The following ZNF385D variants were observed in gnomAD, a reference collection of about 807,000 sequenced individuals.
ZNF385D encodes zinc finger protein 659.
In ZNF385D, 15 loss-of-function variants were observed where a neutral mutation model predicts 35.8. That is an observed-to-expected ratio of 0.42 (90% CI 0.28 to 0.64). The LOEUF (loss-of-function observed/expected upper bound fraction) is 0.64. Ranked by LOEUF, ZNF385D falls within the 30% of genes least tolerant of loss-of-function variation. The pLI, the probability that ZNF385D is intolerant of heterozygous loss-of-function variation, is 0.23. For missense variants in ZNF385D, 474 were observed against 494.6 expected (o/e 0.96, Z 0.39); for synonymous variants, 212 against 186.8 (o/e 1.13, Z -1.10).
chr3:22,291,297 G>A (rs567351233), intron 2 of ZNF385D, among the ~76,000 whole-genome samples: 2 of 152,058 alleles, frequency 1.3e-5, no homozygotes, highest in East Asian at 1.9e-4. Flanking sequence ...TTATTGGAAG[G>A]AAAGATTATA....
chr3:21,924,978 A>G (rs1700652034), intron 3 of ZNF385D, among the ~76,000 whole-genome samples: 1 of 152,142 alleles, frequency 6.6e-6, no homozygotes, highest in African/African-American at 2.4e-5. Context: ...GACTACTAAA[A>G]CTAAAAACTG....
chr3:22,011,410 A>G (rs1357688740), intron 3 of ZNF385D, among the ~76,000 whole-genome samples: 1 of 152,130 alleles, frequency 6.6e-6, no homozygotes, highest in Admixed American at 6.5e-5. Context: ...TGAACCCAAT[A>G]CTGGGTTATT....
At chr3:21,434,574 AT>A (rs1701460533) in intron 5 of ZNF385D, among the ~76,000 whole-genome samples, 1 of 152,186 alleles carries the variant, frequency 6.6e-6, no homozygotes, top group Non-Finnish European at 1.5e-5. Flanking sequence ...AATCCTAGAC[AT>A]GGTGAGCCTT....
In ZNF385D at chr3:21,612,883, A is replaced by C. The variant is rs9838237; in HGVS notation, c.166-48199T>G. 5.6e-3 allele frequency among the ~76,000 whole-genome samples: 858 copies of C among 152,276 alleles called. 11 individuals are homozygous for C. Among genetic ancestry groups the C allele is most frequent in the African/African-American group, 0.02 (813 of 41,566 alleles). On this transcript the variant is annotated intron_variant, in intron 2 of 7. Coordinates refer to ENST00000281523, the MANE Select transcript of ZNF385D (RefSeq NM_024697.3). Reference sequence around the variant, plus strand: ...ATGTCTATTAAAATAAAACACCTTAAATGAAGAAATTTTCACAGTCCTAGG... The same window carrying C: ...ATGTCTATTAAAATAAAACACCTTACATGAAGAAATTTTCACAGTCCTAGG...
At chr3:21,783,694 G>A (rs541253873) in intron 3 of ZNF385D, among the ~76,000 whole-genome samples, 3 of 152,022 alleles carry the variant, frequency 2.0e-5, no homozygotes, top group South Asian at 4.1e-4. Context: ...CTGCATGCAC[G>A]AAGAACACCG....
chr3:21,820,111 C>G (rs566524782), intron 3 of ZNF385D, among the ~76,000 whole-genome samples: 2 of 151,362 alleles, frequency 1.3e-5, no homozygotes, highest in African/African-American at 2.4e-5. Flanking sequence ...ATTTAATAAG[C>G]TTTATCTAAT....
intron 2 of ZNF385D, among the ~76,000 whole-genome samples, chr3:22,267,727 C>T (rs543996706): frequency 5.9e-5 from 9 of 151,772 alleles, no homozygotes; most frequent in Non-Finnish European, 1.2e-4. Context: ...TAGAATGATG[C>T]GTATACAATT....
intron 2 of ZNF385D, among the ~76,000 whole-genome samples, chr3:22,181,927 G>A (rs1695306977): frequency 6.6e-6 from 1 of 152,144 alleles, no homozygotes; most frequent in Non-Finnish European, 1.5e-5. Context: ...GGATCTTAGG[G>A]TAGTCTCTGG....
At chr3:22,352,233 A>C (rs936499762) in intron 2 of ZNF385D, among the ~76,000 whole-genome samples, 20 of 152,320 alleles carry the variant, frequency 1.3e-4, no homozygotes, top group Admixed American at 7.2e-4. Flanking sequence ...AAAAGTTACC[A>C]GTTTCCTGCC....
intron 3 of ZNF385D, among the ~76,000 whole-genome samples, chr3:21,556,274 GT>G (rs2062739918): frequency 6.6e-6 from 1 of 152,000 alleles, no homozygotes; most frequent in South Asian, 2.1e-4. Context: ...TGCTTTTAGT[GT>G]TTTAGTCATG....
intron 3 of ZNF385D, among the ~76,000 whole-genome samples, chr3:21,806,317 G>C (rs2072644730): frequency 6.6e-6 from 1 of 150,890 alleles, no homozygotes; most frequent in Admixed American, 6.6e-5. Flanking sequence ...CCATTCTACT[G>C]CCTCAGTCTC....
intron 3 of ZNF385D, among the ~76,000 whole-genome samples, chr3:21,852,570 G>GA (rs1261829930): frequency 1.3e-5 from 2 of 151,808 alleles, no homozygotes; most frequent in Admixed American, 1.3e-4. Flanking sequence ...AAAGAATTCT[G>GA]AAAAAATGTT....
intron 2 of ZNF385D, among the ~76,000 whole-genome samples, chr3:22,231,498 G>A (rs897725226): frequency 6.6e-6 from 1 of 152,166 alleles, no homozygotes; most frequent in Non-Finnish European, 1.5e-5. Flanking sequence ...TAGCTGACAA[G>A]AGGCCGTCTG....
At chr3:22,145,984 A>G (rs955429383) in intron 3 of ZNF385D, among the ~76,000 whole-genome samples, 1 of 152,200 alleles carries the variant, frequency 6.6e-6, no homozygotes, top group Non-Finnish European at 1.5e-5. Context: ...AAGCCAATGC[A>G]TAGAGTCTAG....
intron 3 of ZNF385D, among the ~76,000 whole-genome samples, chr3:22,080,392 G>C (rs553903282): frequency 6.6e-6 from 1 of 152,160 alleles, no homozygotes; most frequent in East Asian, 1.9e-4. Context: ...TGTTTTTAGA[G>C]AAAGCAATGT....
At chr3:22,139,949 A>G (rs1287495701) in intron 3 of ZNF385D, among the ~76,000 whole-genome samples, 1 of 152,180 alleles carries the variant, frequency 6.6e-6, no homozygotes, top group East Asian at 1.9e-4. Flanking sequence ...ATATACTGAC[A>G]GGTTACATCA....
chr3:21,857,754 A>G (rs1696808492), intron 3 of ZNF385D, among the ~76,000 whole-genome samples: 1 of 151,860 alleles, frequency 6.6e-6, no homozygotes, highest in Admixed American at 6.6e-5. Context: ...GACCAAACAC[A>G]ACGGGAAGCA....
chr3:21,801,953 T>C lies in ZNF385D; in HGVS notation c.326-136925A>G, dbSNP rs760372126. ...TTTCTAATGAAGCCATGGGTGTTTT[T>C]TCCTGCTGTATTAAAACATAAACAA... On this transcript the variant is annotated intron_variant, in intron 3 of 5. Transcript: ENST00000494108. Among the ~76,000 whole-genome samples, 3 of 152,190 alleles carry C rather than the reference T, an allele frequency of 2.0e-5. No individual in the cohort carries two copies. In the East Asian group the frequency reaches 5.8e-4, roughly 29 times the overall value.
chr3:22,215,568 G>C (rs539820084), intron 2 of ZNF385D, among the ~76,000 whole-genome samples: 7 of 151,962 alleles, frequency 4.6e-5, no homozygotes, highest in Admixed American at 3.3e-4. Context: ...TAGTCAGACT[G>C]GTTGTCTGCT....
Sources: gnomAD v4.1 joint callset for allele counts (sites outside exome capture counted in the v4.1 genomes callset) on GRCh38, gnomAD v4.1.1 for gene constraint, MANE v1.5 for transcripts, NCBI Gene and HGNC (gene_info 2026-07-23, HGNC 2026-07-21) for gene names.